Variants in DYSF observed in about 807,000 individuals in gnomAD.
The protein encoded by DYSF is dysferlin, also known as dystrophy-associated fer-1-like 1.
A neutral mutation model predicts 274.9 loss-of-function variants in DYSF; 212 were observed. The ratio of observed to expected loss-of-function variants is 0.77; its 90% CI spans 0.69 to 0.86. DYSF has a LOEUF of 0.86. DYSF is among the 40% of genes least tolerant of loss of function. The pLI, the probability that DYSF is intolerant of heterozygous loss-of-function variation, is 0.00. For synonymous variants in DYSF, 1,091 were observed against 1,078.7 expected, an observed-to-expected ratio of 1.01 and a Z score of -0.22; for missense variants, 2,666 against 2,783.2, an observed-to-expected ratio of 0.96 and a Z score of 0.95.
chr2:71,656,385 C>G, intron 43 of DYSF, 95 bp downstream of exon 43: 1 of 1,569,936 alleles, frequency 6.4e-7, no homozygotes. Flanking sequence ...CACTGGTGAC[C>G]CTGGTGCTGA....
chr2:71,561,991 T>C, intron 23 of DYSF, 47 bp downstream of exon 23: 1 of 1,588,922 alleles, frequency 6.3e-7, no homozygotes. Context: ...TCCTGCTGCC[T>C]GGAACATCAG....
chr2:71,513,765 G>C lies in DYSF; in HGVS notation c.603G>C (p.Glu201Asp), dbSNP rs765064954. 6.2e-7 allele frequency: 1 copy of C among 1,614,182 alleles called. No homozygotes were observed. Among genetic ancestry groups the C allele is most frequent in the South Asian group, 1.1e-5 (1 of 91,088 alleles). The change falls in exon 7 of 56, where the codon GAG becomes GAC. Residue 201 changes from glutamate to aspartate, a missense_variant. Physicochemically the swap from Glu to Asp is conservative, Grantham distance 45. Transcript: ENST00000410020. Reference sequence around the variant, plus strand: ...AGGACCAGGGACTCACTGGAGATGAGGCGGAGCCATTCCTGGATCAAAGCG... The same window carrying C: ...AGGACCAGGGACTCACTGGAGATGACGCGGAGCCATTCCTGGATCAAAGCG... ...DTEDQGLTGDEAEPFLDQSGG... is the reference protein window; with the variant it reads ...DTEDQGLTGDDAEPFLDQSGG...
intron 41 of DYSF, among the ~76,000 whole-genome samples, chr2:71,623,097 A>G (rs2094139301): frequency 6.6e-6 from 1 of 152,228 alleles, no homozygotes; most frequent in South Asian, 2.1e-4. Context: ...AGTTTACTAC[A>G]GTTGCAGCCT....
At chr2:71,654,548 G>A (rs1185492327) in intron 42 of DYSF, among the ~76,000 whole-genome samples, 2 of 152,010 alleles carry the variant, frequency 1.3e-5, no homozygotes, top group Non-Finnish European at 1.5e-5. Flanking sequence ...TTTGGGAGGC[G>A]GAGGTGGGAG....
intron 3 of DYSF, among the ~76,000 whole-genome samples, chr2:71,495,998 T>G (rs2084348102): frequency 6.6e-6 from 1 of 151,858 alleles, no homozygotes; most frequent in Non-Finnish European, 1.5e-5. Context: ...CCAGCTACCG[T>G]GATGCAGAGC....
At chr2:71,526,418 T>TGGGGGGGGGGGGGGTTG (rs1573746255) in intron 13 of DYSF, 72 bp downstream of exon 13, 19 of 261,456 alleles carry the variant, frequency 7.3e-5, no homozygotes, top group Non-Finnish European at 9.8e-5. Flanking sequence ...GGGTGGGCGA[T>TGGGGGGGGGGGGGGTTG]GGCGGGCGGG....
chr2:71,460,886 G>A (rs2081253833), intron 1 of DYSF, among the ~76,000 whole-genome samples: 1 of 151,322 alleles, frequency 6.6e-6, no homozygotes. Flanking sequence ...GCTGGGGTAG[G>A]GTGGGGTATG....
chr2:71,632,172 AGCCTG>A (rs2094325937), intron 41 of DYSF, among the ~76,000 whole-genome samples: 1 of 152,156 alleles, frequency 6.6e-6, no homozygotes, highest in Non-Finnish European at 1.5e-5. Context: ...GCTACTCCCT[AGCCTG>A]GGTCAAAATA....
chr2:71,599,159 C>T (rs748478356), intron 33 of DYSF, among the ~76,000 whole-genome samples: 6 of 152,326 alleles, frequency 3.9e-5, no homozygotes, highest in East Asian at 1.9e-4. Context: ...GACACCCACA[C>T]AGTGGAGAAT....
chr2:71,657,808 G>A (rs1453815448), intron 43 of DYSF, among the ~76,000 whole-genome samples: 1 of 152,256 alleles, frequency 6.6e-6, no homozygotes, highest in East Asian at 1.9e-4. Flanking sequence ...GGGACCCTGG[G>A]CCCGGCCCAC....
chr2:71,592,118 G>A (rs1007023711), intron 32 of DYSF, among the ~76,000 whole-genome samples: 3 of 152,194 alleles, frequency 2.0e-5, no homozygotes, highest in East Asian at 1.9e-4. Flanking sequence ...TGAGGGTGCC[G>A]GGAGCGGGTT....
chr2:71,601,963 T>C (rs1029677208), intron 35 of DYSF, among the ~76,000 whole-genome samples: 1 of 152,238 alleles, frequency 6.6e-6, no homozygotes, highest in Non-Finnish European at 1.5e-5. Context: ...CAGCAACCTC[T>C]GTATCAACTT....
intron 30 of DYSF, among the ~76,000 whole-genome samples, chr2:71,580,975 A>G (rs1227270060): frequency 6.6e-6 from 1 of 152,218 alleles, no homozygotes; most frequent in Non-Finnish European, 1.5e-5. Context: ...GTCATTGTAC[A>G]TGCATGAGGG....
At chr2:71,571,501 TCACACCCAC>T (rs2092449448) in intron 29 of DYSF, among the ~76,000 whole-genome samples, 1 of 81,634 alleles carries the variant, frequency 1.2e-5, no homozygotes, top group African/African-American at 5.3e-5. Flanking sequence ...CACGCACAGA[TCACACCCAC>T]CACACACAGC....
At chr2:71,529,601 C>T (rs1026375128) in intron 14 of DYSF, among the ~76,000 whole-genome samples, 2 of 152,232 alleles carry the variant, frequency 1.3e-5, no homozygotes, top group Non-Finnish European at 2.9e-5. Flanking sequence ...ATCGCCTGAT[C>T]ACACAGTTAA....
chr2:71,480,232 G>A (rs2152679247), intron 1 of DYSF, among the ~76,000 whole-genome samples: 2 of 152,312 alleles, frequency 1.3e-5, no homozygotes, highest in East Asian at 3.9e-4. Context: ...TAGGGAGATT[G>A]TTCATTGTTA....
chr2:71,612,633 C>A lies in DYSF; in HGVS notation c.4222-8C>A, dbSNP rs772066982. ...TTCAGGCCAGTGCGTTCTTCCTCCT[C>A]CACCCAGATGCTGCCCAGGGAGGAG... On this transcript the variant is annotated splice_region_variant and splice_polypyrimidine_tract_variant and intron_variant, in intron 38 of 55. Coordinates refer to ENST00000410020, the MANE Select transcript of DYSF (RefSeq NM_001130987.2). 6.2e-7 allele frequency: 1 copy of A among 1,613,716 alleles called. No homozygotes were observed. Among genetic ancestry groups the A allele is most frequent in the Non-Finnish European group, 8.5e-7 (1 of 1,179,702 alleles).
intron 12 of DYSF, among the ~76,000 whole-genome samples, chr2:71,524,080 C>T (rs1234129420): frequency 6.6e-6 from 1 of 152,214 alleles, no homozygotes; most frequent in Non-Finnish European, 1.5e-5. Context: ...TTCCATCCCT[C>T]TCTAGCCTTT....
chr2:71,540,114 C>CTTT (rs565221959), intron 17 of DYSF, among the ~76,000 whole-genome samples: 1 of 133,774 alleles, frequency 7.5e-6, no homozygotes, highest in Admixed American at 7.4e-5. Context: ...CTTTTTTTTT[C>CTTT]TTTTTTTTTT....
Sources: allele counts gnomAD v4.1 joint callset (sites outside exome capture counted in the v4.1 genomes callset), GRCh38; gene constraint gnomAD v4.1.1; transcripts MANE v1.5; gene names NCBI Gene and HGNC (gene_info 2026-07-23, HGNC 2026-07-21).